The following EYS variants were observed in gnomAD, a reference collection of about 807,000 sequenced individuals.
EYS encodes EGF-like photoreceptor maintenance factor.
Under a neutral mutation model 282.1 loss-of-function variants are expected in EYS, and 250 were observed. The ratio of observed to expected loss-of-function variants is 0.89; its 90% CI spans 0.80 to 0.98. EYS has a LOEUF of 0.98. EYS is among the 50% of genes least tolerant of loss of function. The probability of loss-of-function intolerance (pLI) is 0.00; values close to 1 mark genes in which losing one functional copy is unlikely to be tolerated. For synonymous variants in EYS, 1,355 were observed against 1,282.9 expected (o/e 1.06, Z -1.20); for missense variants, 4,016 against 3,709.0 (o/e 1.08, Z -2.15).
At chr6:63,851,785 T>G (rs1360877215) in intron 36 of EYS, among the ~76,000 whole-genome samples, 1 of 151,350 alleles carries the variant, frequency 6.6e-6, no homozygotes, top group South Asian at 2.1e-4. Context: ...GCAAACAAAT[T>G]CAAAAGCTAG....
At chr6:64,662,859 G>A (rs1450774511) in intron 22 of EYS, among the ~76,000 whole-genome samples, 3 of 151,268 alleles carry the variant, frequency 2.0e-5, no homozygotes, top group Admixed American at 6.6e-5. Context: ...CTGACTCAAG[G>A]AATTCTGACT....
chr6:64,124,011 C>G (rs1773679619), intron 31 of EYS, among the ~76,000 whole-genome samples: 1 of 152,042 alleles, frequency 6.6e-6, no homozygotes, highest in Admixed American at 6.5e-5. Context: ...GGCGAAGCAT[C>G]CAAACCAGGA....
chr6:63,863,738 C>T (rs1182834146), intron 36 of EYS, among the ~76,000 whole-genome samples: 1 of 141,222 alleles, frequency 7.1e-6, no homozygotes, highest in East Asian at 2.1e-4. Context: ...TGCAGTGGTG[C>T]AATTTCGGCT....
intron 22 of EYS, chr6:64,631,604 G>C (rs941009343): frequency 1.1e-4 from 17 of 152,052 alleles, no homozygotes; most frequent in African/African-American, 3.4e-4. Context: ...ATAATGCAGA[G>C]CCCATGTCTC....
At chr6:64,234,568 A>G (rs1372800634) in intron 30 of EYS, among the ~76,000 whole-genome samples, 1 of 152,164 alleles carries the variant, frequency 6.6e-6, no homozygotes, top group African/African-American at 2.4e-5. Context: ...ATTTGCATAC[A>G]TAGTGTACCC....
intron 36 of EYS, among the ~76,000 whole-genome samples, chr6:63,861,480 T>C (rs1772529955): frequency 6.6e-6 from 1 of 152,208 alleles, no homozygotes; most frequent in South Asian, 2.1e-4. Flanking sequence ...ACTAGCCCTT[T>C]TCAAGCCTTT....
chr6:65,088,744 G>A (rs901739737), intron 12 of EYS, among the ~76,000 whole-genome samples: 2 of 152,130 alleles, frequency 1.3e-5, no homozygotes, highest in Non-Finnish European at 2.9e-5. Flanking sequence ...CGTCTCCAGG[G>A]TGTGTCAGAG....
At chr6:65,394,173 T>C (rs538560400) in intron 7 of EYS, among the ~76,000 whole-genome samples, 87 of 152,222 alleles carry the variant, frequency 5.7e-4, no homozygotes, top group Non-Finnish European at 1.1e-3. Flanking sequence ...CCTCCTGATA[T>C]GTTGAGAATA....
intron 22 of EYS, among the ~76,000 whole-genome samples, chr6:64,803,702 A>G (rs548084863): frequency 6.6e-6 from 1 of 152,314 alleles, no homozygotes; most frequent in East Asian, 1.9e-4. Context: ...TGTGTTTGTC[A>G]GTGCCCAAAA....
chr6:64,000,168 C>CTTTCAGTTTTTTT (rs1562142218), intron 33 of EYS, among the ~76,000 whole-genome samples: 1 of 42,716 alleles, frequency 2.3e-5, no homozygotes, highest in African/African-American at 8.8e-5. Flanking sequence ...AGACATGGGA[C>CTTTCAGTTTTTTT]TTTTTTTTTT....
At chr6:65,141,025 A>G (rs1276786907) in intron 12 of EYS, among the ~76,000 whole-genome samples, 4 of 151,852 alleles carry the variant, frequency 2.6e-5, no homozygotes, top group Non-Finnish European at 5.9e-5. Context: ...TCATGCTGCT[A>G]TAAAGACACA....
chr6:64,800,556 T>C (rs1433743173), intron 22 of EYS, among the ~76,000 whole-genome samples: 2 of 134,854 alleles, frequency 1.5e-5, no homozygotes, highest in African/African-American at 2.7e-5. Context: ...AATTTTTTTT[T>C]CCAAAGGAAG....
intron 12 of EYS, among the ~76,000 whole-genome samples, chr6:65,193,035 G>T (rs1009890533): frequency 6.6e-6 from 1 of 151,758 alleles, no homozygotes; most frequent in African/African-American, 2.4e-5. Flanking sequence ...AACATGGATA[G>T]AACTGGAGGT....
intron 7 of EYS, among the ~76,000 whole-genome samples, chr6:65,401,236 C>CATATGAG (rs1453201001): frequency 6.6e-6 from 1 of 151,062 alleles, no homozygotes; most frequent in Admixed American, 6.6e-5. Flanking sequence ...TTCTTTGACT[C>CATATGAG]ATATGAGAAC....
intron 2 of EYS, among the ~76,000 whole-genome samples, chr6:65,570,754 A>C (rs1221377597): frequency 6.6e-6 from 1 of 152,094 alleles, no homozygotes; most frequent in Non-Finnish European, 1.5e-5. Flanking sequence ...GGTTTTGTTT[A>C]TTTTCATTCC....
intron 33 of EYS, among the ~76,000 whole-genome samples, chr6:64,044,749 A>T (rs966232960): frequency 2.0e-5 from 3 of 152,162 alleles, no homozygotes; most frequent in Admixed American, 2.0e-4. Flanking sequence ...TTTAAAAAAT[A>T]TGATAAACTT....
chr6:64,104,137 A>G (rs1166465031), intron 31 of EYS, among the ~76,000 whole-genome samples: 6 of 152,320 alleles, frequency 3.9e-5, no homozygotes, highest in Non-Finnish European at 8.8e-5. Context: ...AGAGCTGGAC[A>G]TAAAAGCTGA....
chr6:64,341,466 CTCACTTATAAG>C (rs1221900523), intron 29 of EYS, among the ~76,000 whole-genome samples: 2 of 151,706 alleles, frequency 1.3e-5, no homozygotes, highest in African/African-American at 4.8e-5. Context: ...TACTCATGTT[CTCACTTATAAG>C]TGGGAGGTAA....
intron 30 of EYS, among the ~76,000 whole-genome samples, chr6:64,254,032 C>G (rs1450831162): frequency 6.6e-6 from 1 of 152,076 alleles, no homozygotes. Flanking sequence ...AATTCACATT[C>G]TATTTTCTAG....
Sources: allele counts gnomAD v4.1 joint callset (sites outside exome capture counted in the v4.1 genomes callset), GRCh38; gene constraint gnomAD v4.1.1; transcripts MANE v1.5; gene names NCBI Gene and HGNC (gene_info 2026-07-23, HGNC 2026-07-21).